The following AMPH variants were observed in gnomAD, a reference collection of about 807,000 sequenced individuals.
AMPH encodes the protein amphiphysin.
AMPH carries 49 observed loss-of-function variants against 99.1 expected under a neutral mutation model. The ratio of observed to expected loss-of-function variants is 0.49; its 90% confidence interval spans 0.39 to 0.63. The LOEUF is 0.63. Among genes scored for constraint, AMPH ranks in the 20% least tolerant of loss-of-function variants. The pLI, the probability that AMPH is intolerant of heterozygous loss-of-function variation, is 0.00. For synonymous variants in AMPH, 314 were observed against 317.3 expected (o/e 0.99, Z 0.11); for missense variants, 759 against 863.4 (o/e 0.88, Z 1.52).
chr7:38,550,346 G>A (rs914322108), intron 1 of AMPH, among the ~76,000 whole-genome samples: 9 of 152,190 alleles, frequency 5.9e-5, no homozygotes, highest in African/African-American at 2.2e-4. Flanking sequence ...AGTTTGGAAA[G>A]CCTGTTCTAA....
At chr7:38,537,396 T>C (rs936736038) in intron 1 of AMPH, among the ~76,000 whole-genome samples, 4 of 152,118 alleles carry the variant, frequency 2.6e-5, no homozygotes, top group Non-Finnish European at 5.9e-5. Context: ...ATATCTATTA[T>C]TATTATAGTT....
chr7:38,592,786 T>C (rs1299393910), intron 1 of AMPH, among the ~76,000 whole-genome samples: 1 of 151,600 alleles, frequency 6.6e-6, no homozygotes, highest in Non-Finnish European at 1.5e-5. Flanking sequence ...CTGGTGATCC[T>C]GGGCCAGCTA....
intron 1 of AMPH, among the ~76,000 whole-genome samples, chr7:38,571,155 ATATATATTTT>A (rs1318595615): frequency 2.6e-4 from 8 of 30,288 alleles, no homozygotes; most frequent in South Asian, 7.2e-4. Flanking sequence ...ATTTATGAAT[ATATATATTTT>A]TATATATTTT....
At chr7:38,458,507 A>G (rs1194370923) in intron 11 of AMPH, among the ~76,000 whole-genome samples, 1 of 152,196 alleles carries the variant, frequency 6.6e-6, no homozygotes, top group Non-Finnish European at 1.5e-5. Context: ...AACAGATGAC[A>G]CACCACGACC....
At position 38,491,071 on chromosome 7, in the gene AMPH, C is replaced by T; in HGVS notation, c.375G>A (p.Leu125=). Residue 125 remains leucine (L), a synonymous_variant, in exon 5 of 21, where the codon CTG becomes CTA. Coordinates refer to ENST00000356264, the MANE Select transcript of AMPH (RefSeq NM_001635.4). ...DGSLLTLDTY[L]GQFPDIKNRI... is the part of the protein sequence containing the mutation. ...ATACCTTTATGTCAGGAAATTGCCC[C>T]AGGTAGGTATCCAGTGTTAGCAAGG... 1 of 1,612,304 alleles carries T rather than the reference C, an allele frequency of 6.2e-7. No individual in the cohort carries two copies. Among genetic ancestry groups the T allele is most frequent in the Middle Eastern group, 1.7e-4 (1 of 6,054 alleles).
At chr7:38,593,975 T>C (rs1052490595) in intron 1 of AMPH, among the ~76,000 whole-genome samples, 2 of 152,018 alleles carry the variant, frequency 1.3e-5, no homozygotes, top group African/African-American at 2.4e-5. Context: ...GAGCGGTGGG[T>C]TTACCCGGAC....
Position 38,436,338 on chromosome 7 carries a change from A to G in AMPH, c.1068T>C (p.Phe356=). The G allele has an allele frequency of 6.2e-7, 1 of 1,614,206 alleles. No homozygotes were observed. The highest frequency in any genetic ancestry group is 1.3e-5 in the African/African-American group (1 of 75,050). The stretch of plus-strand genomic sequence containing the variant: ...GTGTCACCTCGGGCTTGAAAGGATC[A>G]AAGTCCAGATCCAGCAAAGTCTCCT... The part of the protein sequence containing the change: ...KKEETLLDLD[F]DPFKPEVTPA... The change falls in exon 12 of 21, where the codon TTT becomes TTC. Residue 356 remains phenylalanine (F), a synonymous_variant. Transcript: ENST00000356264.
intron 7 of AMPH, among the ~76,000 whole-genome samples, chr7:38,466,742 A>T (rs1454598351): frequency 6.6e-6 from 1 of 152,184 alleles, no homozygotes; most frequent in African/African-American, 2.4e-5. Context: ...TCTAGTTATT[A>T]TTATGTGTTT....
rs1194550037 is a variant in AMPH at position 38,491,091 on chromosome 7, G to T, written c.355C>A (p.Leu119Ile). 2 of 1,613,056 alleles carry T rather than the reference G, an allele frequency of 1.2e-6. No homozygotes were observed. The highest frequency in any genetic ancestry group is 3.3e-5 in the Admixed American group (2 of 59,986). ...FHQKLVDGSL[L>I]TLDTYLGQFP... ...TGCCCCAGGTAGGTATCCAGTGTTA[G>T]CAAGGACCCATCCACGAGTTTTTGA... The change falls in exon 5 of 21, where the codon CTA becomes ATA. Residue 119 changes from leucine to isoleucine, a missense_variant. Leu to Ile is a conservative substitution (Grantham distance 5). This residue lies in a region of AMPH where 205 missense variants were observed against 287.9 expected (regional missense o/e 0.71). Coordinates refer to ENST00000356264, the MANE Select transcript of AMPH (RefSeq NM_001635.4).
At chr7:38,461,456 T>C (rs1353660499) in intron 10 of AMPH, 45 bp from the exon 11 acceptor site, 2 of 1,612,284 alleles carry the variant, frequency 1.2e-6, no homozygotes, top group Non-Finnish European at 8.5e-7. Flanking sequence ...AAAGACAATG[T>C]GTCAGACACG....
intron 1 of AMPH, among the ~76,000 whole-genome samples, chr7:38,567,594 G>T (rs779693124): frequency 6.6e-6 from 1 of 152,130 alleles, no homozygotes; most frequent in Non-Finnish European, 1.5e-5. Context: ...ACAATGCATT[G>T]CTATCCATGA....
chr7:38,525,445 CGTGTGT>C (rs146505083), intron 2 of AMPH, among the ~76,000 whole-genome samples: 2,348 of 125,480 alleles, frequency 0.019, 62 homozygotes, highest in African/African-American at 0.062. Context: ...CTCATTTGTG[CGTGTGT>C]GTGTGTGTGT....
chr7:38,537,338 G>A (rs1790649700), intron 1 of AMPH, among the ~76,000 whole-genome samples: 1 of 152,050 alleles, frequency 6.6e-6, no homozygotes, highest in Admixed American at 6.6e-5. Context: ...GATACACATG[G>A]AAATACTAAG....
In AMPH at chr7:38,539,245, G is replaced by T. The variant is rs73692756; in HGVS notation, c.70-4234C>A. Among the ~76,000 whole-genome samples, 1,375 of 152,266 alleles carry T rather than the reference G, an allele frequency of 9.0e-3. 26 individuals are homozygous for T. The highest frequency in any genetic ancestry group is 0.031 in the African/African-American group (1,289 of 41,542). ...GTCCACTGGATTTAGGAACCAGAAG[G>T]TTCCTGGGATCCTTCCCAAGGGCTA... On this transcript the variant is annotated intron_variant, in intron 1 of 20. Coordinates refer to ENST00000356264, the MANE Select transcript of AMPH (RefSeq NM_001635.4).
intron 11 of AMPH, among the ~76,000 whole-genome samples, chr7:38,448,662 A>C (rs1202284974): frequency 6.6e-6 from 1 of 152,206 alleles, no homozygotes; most frequent in Non-Finnish European, 1.5e-5. Flanking sequence ...GGTAACTGAA[A>C]CCATGGAAAG....
At chr7:38,401,884 C>T (rs1486952668) in intron 17 of AMPH, among the ~76,000 whole-genome samples, 1 of 151,940 alleles carries the variant, frequency 6.6e-6, no homozygotes, top group Non-Finnish European at 1.5e-5. Context: ...TTATACTGGC[C>T]ACTTCTGCTT....
At chr7:38,488,225 G>A (rs1262948704) in intron 5 of AMPH, among the ~76,000 whole-genome samples, 3 of 152,144 alleles carry the variant, frequency 2.0e-5, no homozygotes, top group South Asian at 2.1e-4. Flanking sequence ...ACATGCACAC[G>A]TATGTTTATT....
intron 1 of AMPH, among the ~76,000 whole-genome samples, chr7:38,541,017 TA>T (rs60200785): frequency 0.063 from 6,103 of 97,466 alleles, 213 homozygotes; most frequent in African/African-American, 0.12. Flanking sequence ...TTTCTGTTCT[TA>T]AAAAAAAAAA....
intron 12 of AMPH, among the ~76,000 whole-genome samples, chr7:38,435,338 T>C (rs931977653): frequency 2.0e-5 from 3 of 152,308 alleles, no homozygotes; most frequent in South Asian, 2.1e-4. Context: ...ATTTATTCCC[T>C]AGCAGTTTAC....
Sources: gnomAD v4.1 joint callset for allele counts (sites outside exome capture counted in the v4.1 genomes callset) on GRCh38, gnomAD v4.1.1 for gene constraint, gnomAD v4.1.1 regional missense constraint, MANE v1.5 for transcripts, NCBI Gene and HGNC (gene_info 2026-07-23, HGNC 2026-07-21) for gene names.